The following OTOF variants were observed in gnomAD, a reference collection of about 807,000 sequenced individuals.
OTOF encodes fer-1-like family member 2.
Under a neutral mutation model 236.8 loss-of-function variants are expected in OTOF, and 218 were observed. The observed-to-expected ratio is 0.92, with a 90% CI of 0.82 to 1.03. OTOF has a LOEUF of 1.03. Ranked by LOEUF, OTOF falls within the 50% of genes least tolerant of loss-of-function variation. The pLI is 0.00. For missense variants in OTOF, 2,590 were observed against 2,694.4 expected (o/e 0.96, Z 0.86); for synonymous variants, 1,041 against 1,072.5 (o/e 0.97, Z 0.57).
chr2:26,555,674 G>A (rs1667569108), intron 1 of OTOF, among the ~76,000 whole-genome samples: 1 of 152,202 alleles, frequency 6.6e-6, no homozygotes, highest in African/African-American at 2.4e-5. Context: ...CTCCTACAGA[G>A]CAGAGTCCAG....
At chr2:26,500,962 G>C (rs998088972) in intron 8 of OTOF, among the ~76,000 whole-genome samples, 7 of 152,148 alleles carry the variant, frequency 4.6e-5, no homozygotes, top group Admixed American at 6.5e-5. Context: ...TGGCAGCCAG[G>C]TGAGATCTCT....
Position 26,473,644 on chromosome 2 carries a change from T to A in OTOF, c.3409-77A>T, listed in dbSNP as rs758725666. The A allele has an allele frequency of 1.7e-5, 25 of 1,446,704 alleles. No individual in the cohort carries two copies. Among genetic ancestry groups the A allele is most frequent in the Non-Finnish European group, 2.1e-5 (22 of 1,071,426 alleles). The allele number at this position is 1,446,704 out of a possible 1,614,324, so 89.6% of individuals were successfully genotyped here. ...AGCCAGCCATGGGGGTGCTGGACCATCCAATAGGGAACCGGGCAGTGGGAT... is the reference window on the plus strand; with the variant it reads ...AGCCAGCCATGGGGGTGCTGGACCAACCAATAGGGAACCGGGCAGTGGGAT... On this transcript the variant is annotated intron_variant, in intron 27 of 46. Coordinates refer to ENST00000272371, the MANE Select transcript of OTOF (RefSeq NM_194248.3). The surrounding 1 kb of genome is among the most constrained non-coding windows in gnomAD (Gnocchi z 7.2).
At chr2:26,493,505 G>A (rs1295578369) in intron 9 of OTOF, among the ~76,000 whole-genome samples, 2 of 152,204 alleles carry the variant, frequency 1.3e-5, no homozygotes, top group African/African-American at 2.4e-5. Context: ...TTCTGGGTTA[G>A]TCTGATGTGT....
At chr2:26,544,733 C>A (rs1352832828) in intron 1 of OTOF, among the ~76,000 whole-genome samples, 1 of 151,978 alleles carries the variant, frequency 6.6e-6, no homozygotes, top group African/African-American at 2.4e-5. Context: ...GGATAGGTAC[C>A]CTTAGCTTTA....
intron 1 of OTOF, among the ~76,000 whole-genome samples, chr2:26,553,765 A>C (rs1572503083): frequency 6.6e-6 from 1 of 151,954 alleles, no homozygotes; most frequent in African/African-American, 2.4e-5. Context: ...GCCTGCTCCC[A>C]CCTCCTTTCC....
chr2:26,487,161 A>G (rs1665719849), intron 11 of OTOF, among the ~76,000 whole-genome samples: 1 of 152,212 alleles, frequency 6.6e-6, no homozygotes, highest in Non-Finnish European at 1.5e-5. Flanking sequence ...TCCAGTTCCA[A>G]GAGATATCGA....
At chr2:26,464,189 A>G (rs1664619342) in intron 39 of OTOF, 83 bp from the exon 40 acceptor site, 1 of 1,545,014 alleles carries the variant, frequency 6.5e-7, no homozygotes, top group Non-Finnish European at 8.9e-7. Flanking sequence ...TAGGAGCACA[A>G]AGAAGCCTCT....
intron 3 of OTOF, among the ~76,000 whole-genome samples, chr2:26,525,021 G>A (rs1276533714): frequency 6.6e-6 from 1 of 152,142 alleles, no homozygotes; most frequent in African/African-American, 2.4e-5. Context: ...ACTTGTTCCT[G>A]TTTCTCCTGT....
intron 2 of OTOF, among the ~76,000 whole-genome samples, chr2:26,530,363 C>A (rs1034501486): frequency 2.7e-5 from 4 of 148,374 alleles, no homozygotes; most frequent in African/African-American, 1.1e-4. Context: ...GCTTCCGGGG[C>A]CCCTGACTGC....
At chr2:26,515,795 C>T (rs1390180695) in intron 5 of OTOF, among the ~76,000 whole-genome samples, 1 of 152,200 alleles carries the variant, frequency 6.6e-6, no homozygotes, top group Non-Finnish European at 1.5e-5. Flanking sequence ...AATAGTAATA[C>T]AATTGCATTT....
At chr2:26,501,198 CCT>C (rs1158305297) in intron 8 of OTOF, among the ~76,000 whole-genome samples, 1 of 152,170 alleles carries the variant, frequency 6.6e-6, no homozygotes, top group African/African-American at 2.4e-5. Flanking sequence ...CAGCTGTCAA[CCT>C]CTCTTTGTCT....
Position 26,512,011 on chromosome 2 carries a change from AG to A in OTOF, c.509+4406del, listed in dbSNP as rs373348034. Among the ~76,000 whole-genome samples, 652 of 152,226 alleles carry A rather than the reference AG, an allele frequency of 4.3e-3. 5 individuals are homozygous for A. The highest frequency in any genetic ancestry group is 0.015 in the African/African-American group (604 of 41,538). ...CCCCACTGCCCTCTGGCCCCAGCAT[AG>A]GAGGAAGTTACCTGGCTTCTGCAGG... On this transcript the variant is annotated intron_variant, in intron 5 of 46. Coordinates refer to ENST00000272371, the MANE Select transcript of OTOF (RefSeq NM_194248.3).
chr2:26,558,243 G>A lies in OTOF; in HGVS notation c.79+250C>T, dbSNP rs10177332. Among the ~76,000 whole-genome samples the A allele has an allele frequency of 0.071, 10,809 of 152,074 alleles. 475 individuals are homozygous for A. The highest frequency in any genetic ancestry group is 0.16 in the Middle Eastern group (46 of 294). On this transcript the variant is annotated intron_variant, in intron 1 of 46. Transcript: ENST00000272371. ...AGGCAGAGGGCTCTGTGCCCTGCCC[G>A]GGGAACTGGCATGTTGGCAAGCACA...
rs1331227789 is a variant in OTOF at position 26,502,332 on chromosome 2, GACTGAGGCTAGAGAC to G, written c.663_677del (p.Ser222_Val226del). The G allele has an allele frequency of 2.5e-6, 4 of 1,613,982 alleles. No homozygotes were observed. The highest frequency in any genetic ancestry group is 2.5e-6 in the Non-Finnish European group (3 of 1,180,022). ...TGGAGACATTAGTGGTGAGAGCTGT[GACTGAGGCTAGAGAC>G]ACCGAGTCGGGATCCAGTCCATCTC... On this transcript the variant is annotated inframe_deletion, in exon 7 of 47. Coordinates refer to ENST00000272371, the MANE Select transcript of OTOF (RefSeq NM_194248.3).
chr2:26,468,875 G>A (rs1370638695), intron 32 of OTOF, among the ~76,000 whole-genome samples: 1 of 147,386 alleles, frequency 6.8e-6, no homozygotes, highest in Non-Finnish European at 1.5e-5. Flanking sequence ...ACACAGGGAG[G>A]GGAACATCAC....
In OTOF at chr2:26,481,061, G is replaced by T. The variant is rs1241087553; in HGVS notation, c.1580-52C>A. On this transcript the variant is annotated intron_variant, in intron 14 of 46. Coordinates refer to ENST00000272371, the MANE Select transcript of OTOF (RefSeq NM_194248.3). ...GGGCAGCGTCACATCCAGTTTCCCT[G>T]GGGAAGAGGGGCCTCTTTTGGGGGT... The T allele has an allele frequency of 2.9e-6, 4 of 1,377,296 alleles. No individual in the cohort carries two copies. The Admixed American group carries it at 5.4e-5, about 19-fold the overall frequency. The allele number at this position is 1,377,296 out of a possible 1,614,324, so 85.3% of individuals were successfully genotyped here.
intron 1 of OTOF, among the ~76,000 whole-genome samples, chr2:26,548,265 C>T (rs775620752): frequency 1.4e-4 from 22 of 151,982 alleles, no homozygotes; most frequent in Non-Finnish European, 2.2e-4. Context: ...TTTTCTATTT[C>T]CTTCCTTTTA....
chr2:26,516,134 G>C (rs1262259197), intron 5 of OTOF, among the ~76,000 whole-genome samples: 1 of 152,196 alleles, frequency 6.6e-6, no homozygotes, highest in Non-Finnish European at 1.5e-5. Context: ...AGGAGATCTA[G>C]CCCCATCCCT....
chr2:26,553,999 C>A (rs901488859), intron 1 of OTOF, among the ~76,000 whole-genome samples: 1 of 152,004 alleles, frequency 6.6e-6, no homozygotes, highest in African/African-American at 2.4e-5. Flanking sequence ...GGTGAAACAC[C>A]GTCTCTACTA....
Sources: gnomAD v4.1 joint callset for allele counts (sites outside exome capture counted in the v4.1 genomes callset) on GRCh38, gnomAD v4.1.1 for gene constraint, Gnocchi (gnomAD v3.1) non-coding constraint, MANE v1.5 for transcripts, NCBI Gene and HGNC (gene_info 2026-07-23, HGNC 2026-07-21) for gene names.